DPP6: variants seen among roughly 807,000 people sequenced by gnomAD.
DPP6 encodes the protein A-type potassium channel modulatory protein DPP6.
In DPP6, 69 loss-of-function variants were observed where a neutral mutation model predicts 122.6. The ratio of observed to expected loss-of-function variants is 0.56; its 90% CI spans 0.46 to 0.69. DPP6 has a LOEUF of 0.69. Ranked by LOEUF, DPP6 falls within the 30% of genes least tolerant of loss-of-function variation. The pLI, the probability that DPP6 is intolerant of heterozygous loss-of-function variation, is 0.00. For synonymous variants in DPP6, 418 were observed against 433.1 expected, an observed-to-expected ratio of 0.97 and a Z score of 0.43; for missense variants, 928 against 1,116.9, an observed-to-expected ratio of 0.83 and a Z score of 2.41.
intron 1 of DPP6, among the ~76,000 whole-genome samples, chr7:154,210,395 G>C (rs1003139928): frequency 2.6e-5 from 4 of 152,158 alleles, no homozygotes; most frequent in Non-Finnish European, 5.9e-5. Context: ...CTGGGGCCAG[G>C]CTGCAGAATT....
rs1448022794 is a variant in DPP6, at chr7:154,063,065, G to C, written c.243+10002G>C. ...GGGAGGCACCCCCCACGAGAGTGGG[G>C]ACTGAGAGCTATCCCCTCTTCCGCC... On this transcript the variant is annotated intron_variant, in intron 1 of 25. Coordinates refer to ENST00000377770, the MANE Select transcript of DPP6 (RefSeq NM_130797.4). 2.4e-5 allele frequency among the ~76,000 whole-genome samples: 3 copies of C among 122,838 alleles called. 1 individual carries two copies. The Admixed American group carries it at 2.5e-4, about 10-fold the overall frequency. 80.6% of individuals were successfully genotyped at this position (122,838 alleles called of 152,430 possible).
At chr7:154,475,215 A>G in intron 3 of DPP6, 178 bp downstream of exon 3, 1 of 627,306 alleles carries the variant, frequency 1.6e-6, no homozygotes. Context: ...TGTATCTGGT[A>G]AAATCAGGCT....
intron 1 of DPP6, among the ~76,000 whole-genome samples, chr7:154,341,511 G>A (rs2151061264): frequency 6.6e-6 from 1 of 151,940 alleles, no homozygotes; most frequent in South Asian, 2.1e-4. Context: ...TCCTGGGTCG[G>A]GCTTTACTTC....
chr7:153,785,683 C>T, the DPP6 span, among the ~76,000 whole-genome samples: 10 of 152,124 alleles, frequency 6.6e-5, no homozygotes, highest in East Asian at 1.9e-3. Flanking sequence ...TGCTCTGTTG[C>T]CCAGGCTGGG....
intron 22 of DPP6, among the ~76,000 whole-genome samples, chr7:154,886,632 C>T (rs1563328864): frequency 6.6e-6 from 1 of 152,336 alleles, no homozygotes; most frequent in African/African-American, 2.4e-5. Flanking sequence ...CCACCCTAAG[C>T]AGCGCTGGCA....
rs142952045 is a variant in DPP6, at chr7:154,507,445, G to A, written c.457+32408G>A. Reference sequence around the variant, plus strand: ...AATGCTCTCCCTCCCCTTGCTCCCCGCCCTGATATGCCCCAGTAAGAAACC... The same window carrying A: ...AATGCTCTCCCTCCCCTTGCTCCCCACCCTGATATGCCCCAGTAAGAAACC... On this transcript the variant is annotated intron_variant, in intron 3 of 25. Transcript: ENST00000377770. Among the ~76,000 whole-genome samples, 33 of 152,062 alleles carry A rather than the reference G, an allele frequency of 2.2e-4. No homozygotes were observed. In the South Asian group the frequency reaches 4.4e-3, roughly 20 times the overall value.
intron 1 of DPP6, among the ~76,000 whole-genome samples, chr7:154,203,512 C>T (rs1015279088): frequency 6.6e-6 from 1 of 152,178 alleles, no homozygotes; most frequent in Non-Finnish European, 1.5e-5. Flanking sequence ...CTGTCACATC[C>T]TATCACTGCC....
At chr7:154,270,092 G>A (rs1039757457) in intron 1 of DPP6, among the ~76,000 whole-genome samples, 3 of 152,082 alleles carry the variant, frequency 2.0e-5, no homozygotes, top group South Asian at 4.1e-4. Flanking sequence ...TTTTCCCATC[G>A]AGTTAAAGGG....
intron 7 of DPP6, among the ~76,000 whole-genome samples, chr7:154,682,634 T>G (rs191870638): frequency 2.0e-5 from 3 of 152,262 alleles, no homozygotes; most frequent in African/African-American, 7.2e-5. Context: ...AATTTTAGTG[T>G]GTCCAAGTCA....
chr7:153,783,615 T>C, the DPP6 span, among the ~76,000 whole-genome samples: 12 of 152,100 alleles, frequency 7.9e-5, no homozygotes, highest in Admixed American at 2.0e-4. Flanking sequence ...TGTAAAGATA[T>C]GGAAGTTGAA....
chr7:154,289,974 G>A (rs948533168), intron 1 of DPP6, among the ~76,000 whole-genome samples: 1 of 152,148 alleles, frequency 6.6e-6, no homozygotes. Flanking sequence ...ATGCTTGCTG[G>A]AATGACCAGA....
chr7:153,816,030 G>A, the DPP6 span, among the ~76,000 whole-genome samples: 2 of 151,904 alleles, frequency 1.3e-5, no homozygotes, highest in Admixed American at 1.3e-4. Flanking sequence ...ATGTATTTAA[G>A]TAGCTAAATA....
chr7:154,711,928 T>C (rs566285894), intron 7 of DPP6, among the ~76,000 whole-genome samples: 1 of 89,790 alleles, frequency 1.1e-5, no homozygotes, highest in South Asian at 3.6e-4. Flanking sequence ...AGGGTGTAAA[T>C]TGTCACTTAA....
intron 23 of DPP6, among the ~76,000 whole-genome samples, chr7:154,888,533 A>T (rs1806350367): frequency 6.6e-6 from 1 of 152,182 alleles, no homozygotes; most frequent in African/African-American, 2.4e-5. Flanking sequence ...CCGAGGCAGC[A>T]CTGCATTTTC....
At chr7:154,741,062 A>G (rs1842797098) in intron 8 of DPP6, among the ~76,000 whole-genome samples, 2 of 152,316 alleles carry the variant, frequency 1.3e-5, no homozygotes, top group Admixed American at 1.3e-4. Flanking sequence ...TGGAGAGGAC[A>G]TACCCTTCGT....
intron 6 of DPP6, among the ~76,000 whole-genome samples, chr7:154,648,594 A>G (rs554942104): frequency 1.3e-5 from 2 of 152,240 alleles, no homozygotes; most frequent in South Asian, 2.1e-4. Flanking sequence ...TGTGATTTCA[A>G]GTTTATTGTG....
At chr7:153,851,280 T>C in the DPP6 span, among the ~76,000 whole-genome samples, 1 of 152,234 alleles carries the variant, frequency 6.6e-6, no homozygotes. Flanking sequence ...AACTACATTT[T>C]ACTAAATTAC....
At chr7:153,915,231 ACT>A (rs1563228383) in intron 1 of DPP6, among the ~76,000 whole-genome samples, 1 of 152,102 alleles carries the variant, frequency 6.6e-6, no homozygotes, top group African/African-American at 2.4e-5. Context: ...GTCCAAAGTG[ACT>A]CTACTGTGTA....
rs562081617 is a variant in DPP6 at position 154,060,290 on chromosome 7, C to G, written c.243+7227C>G. ...CGCGAGGCAGGGACTGAGAGGCAAT[C>G]CCTCTTCCCCCCCTGGCTCTTAGGA... On this transcript the variant is annotated intron_variant, in intron 1 of 25. Transcript: ENST00000377770. Among the ~76,000 whole-genome samples, 5 of 115,968 alleles carry G rather than the reference C, an allele frequency of 4.3e-5. No homozygotes were observed. The South Asian group carries it at 1.4e-3, about 32-fold the overall frequency. The allele number at this position is 115,968 out of a possible 152,430, so 76.1% of individuals were successfully genotyped here.
Sources: allele counts gnomAD v4.1 joint callset (sites outside exome capture counted in the v4.1 genomes callset), GRCh38; gene constraint gnomAD v4.1.1; transcripts MANE v1.5; gene names NCBI Gene and HGNC (gene_info 2026-07-23, HGNC 2026-07-21).